Variants in NEGR1 observed in about 807,000 individuals in gnomAD.
NEGR1 encodes the protein IgLON family member 4.
A neutral mutation model predicts 40.9 loss-of-function variants in NEGR1; 10 were observed. That is an observed-to-expected ratio of 0.24 (90% CI 0.15 to 0.42). The LOEUF (loss-of-function observed/expected upper bound fraction) is 0.42, where lower values mean the gene tolerates loss of function less well. Ranked by LOEUF, NEGR1 falls within the 10% of genes least tolerant of loss-of-function variation. The pLI, the probability that NEGR1 is intolerant of heterozygous loss-of-function variation, is 1.00. For missense variants in NEGR1, 352 were observed against 438.9 expected, an observed-to-expected ratio of 0.80 and a Z score of 1.77; for synonymous variants, 185 against 166.8, an observed-to-expected ratio of 1.11 and a Z score of -0.84.
chr1:71,703,102 G>C (rs966425712), intron 3 of NEGR1: 1 of 152,026 alleles, frequency 6.6e-6, no homozygotes, highest in Non-Finnish European at 1.5e-5. Flanking sequence ...CAAACAACTG[G>C]GCATTTGTAA....
At chr1:71,589,200 C>T (rs1446740264) in intron 6 of NEGR1, among the ~76,000 whole-genome samples, 1 of 152,128 alleles carries the variant, frequency 6.6e-6, no homozygotes, top group Non-Finnish European at 1.5e-5. Context: ...GCTGACTCTT[C>T]ATTCTTCCTA....
chr1:71,909,019 TTTAAA>T (rs1661354723), intron 2 of NEGR1, among the ~76,000 whole-genome samples: 1 of 152,156 alleles, frequency 6.6e-6, no homozygotes, highest in African/African-American at 2.4e-5. Flanking sequence ...CACTCAGGTT[TTTAAA>T]CATGCAACTC....
intron 2 of NEGR1, among the ~76,000 whole-genome samples, chr1:71,916,259 TA>T (rs1468234742): frequency 4.7e-5 from 7 of 148,904 alleles, no homozygotes; most frequent in African/African-American, 1.6e-4. Context: ...AAAAGTTAAA[TA>T]AAGTATAAAG....
At chr1:71,453,981 C>T (rs770544314) in intron 6 of NEGR1, among the ~76,000 whole-genome samples, 1 of 152,122 alleles carries the variant, frequency 6.6e-6, no homozygotes, top group Non-Finnish European at 1.5e-5. Context: ...AGTTTTTTAC[C>T]CACAAACACT....
At chr1:71,796,205 T>C (rs548784253) in intron 2 of NEGR1, among the ~76,000 whole-genome samples, 2 of 152,288 alleles carry the variant, frequency 1.3e-5, no homozygotes, top group African/African-American at 2.4e-5. Flanking sequence ...AGAAGCCCTC[T>C]GTGTGTACTT....
At chr1:71,758,552 T>C (rs1322032632) in intron 3 of NEGR1, among the ~76,000 whole-genome samples, 2 of 152,128 alleles carry the variant, frequency 1.3e-5, no homozygotes, top group Non-Finnish European at 2.9e-5. Context: ...TTTCTACTAG[T>C]GATGATTATT....
At chr1:71,656,802 AT>A (rs1261740295) in intron 4 of NEGR1, among the ~76,000 whole-genome samples, 3 of 152,228 alleles carry the variant, frequency 2.0e-5, no homozygotes, top group Admixed American at 6.5e-5. Flanking sequence ...TTCTATATCT[AT>A]GGATAATTTA....
intron 1 of NEGR1, among the ~76,000 whole-genome samples, chr1:72,135,375 C>CAAAAAAAAAAAAACAAAAAAAAAAA (rs1650414741): frequency 2.8e-5 from 2 of 71,384 alleles, no homozygotes; most frequent in Non-Finnish European, 5.2e-5. Context: ...GACTCCGTCT[C>CAAAAAAAAAAAAACAAAAAAAAAAA]AAAAAAAAAA....
intron 1 of NEGR1, among the ~76,000 whole-genome samples, chr1:72,127,768 G>A (rs1360164436): frequency 1.3e-5 from 2 of 151,984 alleles, no homozygotes; most frequent in African/African-American, 4.8e-5. Flanking sequence ...GATATAAATG[G>A]ACTCACAATG....
At chr1:71,755,351 T>G (rs551920032) in intron 3 of NEGR1, among the ~76,000 whole-genome samples, 2 of 152,338 alleles carry the variant, frequency 1.3e-5, no homozygotes, top group South Asian at 4.1e-4. Context: ...TTCTGCTTCA[T>G]GCTTTCTCTG....
At chr1:71,870,274 G>A (rs948504078) in intron 2 of NEGR1, among the ~76,000 whole-genome samples, 2 of 152,134 alleles carry the variant, frequency 1.3e-5, no homozygotes, top group Non-Finnish European at 2.9e-5. Flanking sequence ...TCAGATATTA[G>A]AATGTAGTAT....
intron 1 of NEGR1, among the ~76,000 whole-genome samples, chr1:72,015,164 T>A (rs542794073): frequency 2.0e-5 from 3 of 152,094 alleles, no homozygotes; most frequent in Admixed American, 6.6e-5. Context: ...TAATTTAATA[T>A]GTTAAGAAAA....
chr1:71,813,066 T>G (rs181587550), intron 2 of NEGR1, among the ~76,000 whole-genome samples: 1 of 152,254 alleles, frequency 6.6e-6, no homozygotes, highest in African/African-American at 2.4e-5. Flanking sequence ...CAAATTTGGA[T>G]TTTATATTTA....
chr1:71,974,887 A>G (rs1405280595), intron 1 of NEGR1, among the ~76,000 whole-genome samples: 1 of 152,116 alleles, frequency 6.6e-6, no homozygotes, highest in Admixed American at 6.6e-5. Context: ...GCTTTAACTA[A>G]CTCGAGAATA....
intron 1 of NEGR1, among the ~76,000 whole-genome samples, chr1:71,974,169 C>G (rs1646282721): frequency 6.6e-6 from 1 of 152,122 alleles, no homozygotes; most frequent in Non-Finnish European, 1.5e-5. Flanking sequence ...GCACATTAGC[C>G]ACATTACTTC....
At chr1:72,001,560 A>C (rs1382884674) in intron 1 of NEGR1, among the ~76,000 whole-genome samples, 1 of 151,178 alleles carries the variant, frequency 6.6e-6, no homozygotes. Flanking sequence ...AAGAAACAAA[A>C]TGCTAAATAT....
intron 2 of NEGR1, among the ~76,000 whole-genome samples, chr1:71,777,193 A>G (rs900729721): frequency 2.6e-5 from 4 of 152,150 alleles, no homozygotes; most frequent in African/African-American, 9.6e-5. Flanking sequence ...ATAAATCTCT[A>G]TTGGCTAACT....
At chr1:72,093,915 G>T (rs573596399) in intron 1 of NEGR1, among the ~76,000 whole-genome samples, 2 of 152,290 alleles carry the variant, frequency 1.3e-5, no homozygotes, top group East Asian at 3.9e-4. Flanking sequence ...GGAAATCACA[G>T]ATGTGATTAA....
chr1:71,493,278 C>A (rs980851506), intron 6 of NEGR1, among the ~76,000 whole-genome samples: 1 of 152,050 alleles, frequency 6.6e-6, no homozygotes, highest in African/African-American at 2.4e-5. Context: ...AGACGTTGAC[C>A]TCTAATGCAA....
Sources: gnomAD v4.1 joint callset for allele counts (sites outside exome capture counted in the v4.1 genomes callset) on GRCh38, gnomAD v4.1.1 for gene constraint, MANE v1.5 for transcripts, NCBI Gene and HGNC (gene_info 2026-07-23, HGNC 2026-07-21) for gene names.